BNC2: variants seen among roughly 807,000 people sequenced by gnomAD.
BNC2 encodes basonuclin zinc finger protein 2.
BNC2 carries 20 observed loss-of-function variants against 76.3 expected under a neutral mutation model. The ratio of observed to expected loss-of-function variants is 0.26; its 90% CI spans 0.18 to 0.38. BNC2 has a LOEUF of 0.38. Among genes scored for constraint, BNC2 ranks in the 10% least tolerant of loss-of-function variants. The probability of loss-of-function intolerance (pLI) is 1.00; values close to 1 mark genes in which losing one functional copy is unlikely to be tolerated. For missense variants in BNC2, 1,382 were observed against 1,399.8 expected, an observed-to-expected ratio of 0.99 and a Z score of 0.20; for synonymous variants, 582 against 514.8, an observed-to-expected ratio of 1.13 and a Z score of -1.77.
intron 4 of BNC2, among the ~76,000 whole-genome samples, chr9:16,563,173 T>C (rs1221090732): frequency 6.6e-6 from 1 of 152,196 alleles, no homozygotes. Flanking sequence ...TCAATTAAGA[T>C]AGCTAAGTCT....
At chr9:16,534,349 A>C (rs1818069003) in intron 5 of BNC2, among the ~76,000 whole-genome samples, 2 of 152,164 alleles carry the variant, frequency 1.3e-5, no homozygotes, top group African/African-American at 4.8e-5. Flanking sequence ...CCTAATTCTG[A>C]TTTGTACCAT....
intron 1 of BNC2, among the ~76,000 whole-genome samples, chr9:16,804,375 A>C (rs1403128893): frequency 6.6e-6 from 1 of 152,206 alleles, no homozygotes; most frequent in Non-Finnish European, 1.5e-5. Flanking sequence ...AAGTTAACTG[A>C]CTTCCTCGTG....
At chr9:16,715,138 C>G (rs544984140) in intron 3 of BNC2, among the ~76,000 whole-genome samples, 1 of 152,158 alleles carries the variant, frequency 6.6e-6, no homozygotes, top group African/African-American at 2.4e-5. Context: ...TAGTTGAATT[C>G]GGCTTTTCAT....
chr9:16,768,323 G>T (rs1825748942), intron 1 of BNC2, among the ~76,000 whole-genome samples: 2 of 152,088 alleles, frequency 1.3e-5, no homozygotes, highest in South Asian at 4.2e-4. Flanking sequence ...GGCAGTGAAG[G>T]TAGGGAAGTT....
intron 3 of BNC2, among the ~76,000 whole-genome samples, chr9:16,584,122 G>A (rs1819703873): frequency 6.6e-6 from 1 of 152,110 alleles, no homozygotes; most frequent in Non-Finnish European, 1.5e-5. Context: ...ACAATCTACT[G>A]TAACTACTTG....
At chr9:16,622,498 T>C (rs1303311024) in intron 3 of BNC2, among the ~76,000 whole-genome samples, 1 of 152,178 alleles carries the variant, frequency 6.6e-6, no homozygotes, top group Non-Finnish European at 1.5e-5. Context: ...TCAAGCTCAC[T>C]ATCACAGGTA....
intron 1 of BNC2, among the ~76,000 whole-genome samples, chr9:16,781,509 G>A (rs1826154026): frequency 6.6e-6 from 1 of 152,184 alleles, no homozygotes; most frequent in Non-Finnish European, 1.5e-5. Flanking sequence ...GGCACAGCTA[G>A]TTTTTTGTAT....
intron 3 of BNC2, among the ~76,000 whole-genome samples, chr9:16,694,265 G>A (rs192560029): frequency 6.6e-6 from 1 of 152,252 alleles, no homozygotes; most frequent in African/African-American, 2.4e-5. Flanking sequence ...AGAAGAATAT[G>A]TTGTGGCATC....
chr9:16,869,601 C>A (rs372081997), intron 1 of BNC2, among the ~76,000 whole-genome samples: 8 of 152,182 alleles, frequency 5.3e-5, no homozygotes, highest in African/African-American at 1.9e-4. Flanking sequence ...CATGTCAGAT[C>A]CCCAAGTGGG....
intron 1 of BNC2, among the ~76,000 whole-genome samples, chr9:16,756,112 A>C (rs1005256017): frequency 6.6e-6 from 1 of 152,346 alleles, no homozygotes; most frequent in African/African-American, 2.4e-5. Flanking sequence ...CAAAGGGATG[A>C]GAAGTTATTA....
At chr9:16,626,830 C>G (rs915719452) in intron 3 of BNC2, among the ~76,000 whole-genome samples, 1 of 152,180 alleles carries the variant, frequency 6.6e-6, no homozygotes, top group South Asian at 2.1e-4. Flanking sequence ...TTACTAGATG[C>G]TCTAGCAACT....
chr9:16,760,041 G>T (rs966243863), intron 1 of BNC2, among the ~76,000 whole-genome samples: 1 of 152,094 alleles, frequency 6.6e-6, no homozygotes, highest in Non-Finnish European at 1.5e-5. Context: ...AAACTCTTAC[G>T]AGCTAAGTAT....
chr9:16,695,275 TTAAAA>T (rs1187873068), intron 3 of BNC2, among the ~76,000 whole-genome samples: 1 of 152,220 alleles, frequency 6.6e-6, no homozygotes, highest in East Asian at 1.9e-4. Context: ...TAAGTAATAC[TTAAAA>T]TAATACCATT....
At chr9:16,587,685 G>A (rs986758005) in intron 3 of BNC2, among the ~76,000 whole-genome samples, 1 of 152,130 alleles carries the variant, frequency 6.6e-6, no homozygotes, top group African/African-American at 2.4e-5. Flanking sequence ...AGTAGAAACA[G>A]TGGCTGTCCA....
chr9:16,577,159 G>C (rs1819509057), intron 4 of BNC2, among the ~76,000 whole-genome samples: 1 of 152,060 alleles, frequency 6.6e-6, no homozygotes, highest in Non-Finnish European at 1.5e-5. Flanking sequence ...TAAACATAAA[G>C]GACTCTCACC....
chr9:16,434,341 T>C (rs1418617680), intron 6 of BNC2, among the ~76,000 whole-genome samples: 1 of 151,934 alleles, frequency 6.6e-6, no homozygotes, highest in African/African-American at 2.4e-5. Flanking sequence ...TAATGTTACT[T>C]TGCCAAAGAA....
intron 1 of BNC2, among the ~76,000 whole-genome samples, chr9:16,774,279 G>A (rs374498110): frequency 4.6e-5 from 7 of 152,176 alleles, no homozygotes; most frequent in South Asian, 4.1e-4. Context: ...CACCGTGTCC[G>A]GCCTAAATTG....
intron 3 of BNC2, among the ~76,000 whole-genome samples, chr9:16,601,840 T>C (rs1820252915): frequency 6.6e-6 from 1 of 152,212 alleles, no homozygotes; most frequent in Admixed American, 6.5e-5. Flanking sequence ...TGGCCGTAAC[T>C]GCAGTCACAC....
At chr9:16,687,738 T>C (rs780623111) in intron 3 of BNC2, among the ~76,000 whole-genome samples, 1 of 152,218 alleles carries the variant, frequency 6.6e-6, no homozygotes, top group Non-Finnish European at 1.5e-5. Context: ...TAAGATTATT[T>C]GACCACGTCA....
Sources: gnomAD v4.1 joint callset for allele counts (sites outside exome capture counted in the v4.1 genomes callset) on GRCh38, gnomAD v4.1.1 for gene constraint, MANE v1.5 for transcripts, NCBI Gene and HGNC (gene_info 2026-07-23, HGNC 2026-07-21) for gene names.